ADNP: variants seen among roughly 807,000 people sequenced by gnomAD.
The protein encoded by ADNP is activity-dependent neuroprotector homeobox protein.
In ADNP, 4 loss-of-function variants were observed where a neutral mutation model predicts 84.9. The ratio of observed to expected loss-of-function variants is 0.05; its 90% CI spans 0.02 to 0.11. ADNP has a LOEUF of 0.11. Among genes scored for constraint, ADNP ranks in the 10% least tolerant of loss-of-function variants. The pLI, the probability that ADNP is intolerant of heterozygous loss-of-function variation, is 1.00. For missense variants in ADNP, 1,132 were observed against 1,326.0 expected, an observed-to-expected ratio of 0.85 and a Z score of 2.27; for synonymous variants, 554 against 468.1, an observed-to-expected ratio of 1.18 and a Z score of -2.37.
intron 5 of ADNP, among the ~76,000 whole-genome samples, chr20:50,895,682 A>G (rs1395796090): frequency 6.6e-6 from 1 of 152,186 alleles, no homozygotes; most frequent in Non-Finnish European, 1.5e-5. Context: ...CCTGGGGACT[A>G]CAGGTGTGTG....
rs1482154647 is a variant in ADNP at position 50,893,419 on chromosome 20, G to A, written c.1295C>T (p.Ala432Val). The A allele has an allele frequency of 1.2e-6, 2 of 1,614,188 alleles. No individual in the cohort carries two copies. Among genetic ancestry groups the A allele is most frequent in the South Asian group, 2.2e-5 (2 of 91,088 alleles). Reference protein sequence around the residue: ...GQSSSKPAAAATGPPPGNTSS... With the variant: ...GQSSSKPAAAVTGPPPGNTSS... ...AGTGTTACCTGGGGGAGGGCCTGTG[G>A]CAGCTGCAGCAGGTTTGGAACTGGA... The change falls in exon 6 of 6, where the codon GCC becomes GTC. Residue 432 changes from alanine (A) to valine (V), a missense_variant. This residue lies in a region of ADNP where 239 missense variants were observed against 213.2 expected (regional missense o/e 1.12). Coordinates refer to ENST00000621696, the MANE Select transcript of ADNP (RefSeq NM_001282531.3). This position sits in a 1 kb window ranked among gnomAD's most constrained non-coding sequence, Gnocchi z 4.4.
At chr20:50,924,294 A>G (rs890596749) in intron 2 of ADNP, among the ~76,000 whole-genome samples, 1 of 152,208 alleles carries the variant, frequency 6.6e-6, no homozygotes, top group African/African-American at 2.4e-5. Flanking sequence ...ATTAACTGCC[A>G]CCTGCACAAT....
chr20:50,894,336 T>C lies in ADNP; in HGVS notation c.378A>G (p.Lys126=), dbSNP rs776262496. The C allele has an allele frequency of 2.5e-6, 4 of 1,613,782 alleles. No homozygotes were observed. The highest frequency in any genetic ancestry group is 2.2e-5 in the South Asian group (2 of 90,966). The change falls in exon 6 of 6, where the codon AAA becomes AAG. Residue 126 remains lysine, a synonymous_variant. Transcript: ENST00000621696. The part of the protein sequence containing the change: ...ADKKTLETHI[K]IFHAPNASAP... ...CGCTGGCGTTCGGAGCATGAAATAT[T>C]TTAATGTGTGTTTCCAAAGTCTTTT...
At chr20:50,914,035 C>T in intron 2 of ADNP, 1 of 754,382 alleles carries the variant, frequency 1.3e-6, no homozygotes, top group Non-Finnish European at 2.5e-6. Context: ...TGCTGTCAAT[C>T]AAAATGGCTC....
chr20:50,915,908 G>A (rs1253801881), intron 2 of ADNP, among the ~76,000 whole-genome samples: 3 of 150,162 alleles, frequency 2.0e-5, no homozygotes, highest in Non-Finnish European at 4.4e-5. Flanking sequence ...TATTGCCTAG[G>A]ATAATCATAT....
chr20:50,892,169 G>T lies in ADNP; in HGVS notation c.2545C>A (p.His849Asn). The T allele has an allele frequency of 1.9e-6, 3 of 1,614,102 alleles. No homozygotes were observed. The South Asian group carries it at 3.3e-5, about 18-fold the overall frequency. The stretch of plus-strand genomic sequence containing the variant: ...TTGACTCTGGAATCCTTCTCATCAT[G>T]ATTTTCAAATAGCCACTCAGCATCA... Reference protein sequence around the residue: ...DFDAEWLFENHDEKDSRVNAS... With the variant: ...DFDAEWLFENNDEKDSRVNAS... Residue 849 changes from histidine (H) to asparagine (N), a missense_variant, in exon 6 of 6, where the codon CAT (histidine) becomes AAT (asparagine). His to Asn is a moderately conservative substitution (Grantham distance 68, BLOSUM62 1). Coordinates refer to ENST00000621696, the MANE Select transcript of ADNP (RefSeq NM_001282531.3).
intron 2 of ADNP, among the ~76,000 whole-genome samples, chr20:50,911,445 G>C (rs1983022862): frequency 6.6e-6 from 1 of 151,536 alleles, no homozygotes; most frequent in African/African-American, 2.4e-5. Context: ...AACACTAACT[G>C]AAAAAGATGT....
intron 5 of ADNP, among the ~76,000 whole-genome samples, chr20:50,897,209 G>A (rs1410853196): frequency 6.6e-6 from 1 of 152,214 alleles, no homozygotes; most frequent in Non-Finnish European, 1.5e-5. Context: ...CCAAAATGCT[G>A]GGATTACAGG....
At chr20:50,918,200 G>A (rs865810592) in intron 2 of ADNP, among the ~76,000 whole-genome samples, 3 of 152,124 alleles carry the variant, frequency 2.0e-5, no homozygotes, top group Middle Eastern at 3.4e-3. Context: ...GAAATTTAAG[G>A]CAGCAGTATT....
intron 2 of ADNP, among the ~76,000 whole-genome samples, chr20:50,910,582 G>A (rs903158562): frequency 6.6e-6 from 1 of 152,178 alleles, no homozygotes; most frequent in Admixed American, 6.5e-5. Context: ...GTAAGGCCCT[G>A]CCTCTAAATA....
At position 50,893,480 on chromosome 20, in the gene ADNP, G is replaced by C. The variant is rs1342698415; in HGVS notation, c.1234C>G (p.Leu412Val). Residue 412 changes from leucine to valine, a missense_variant, in exon 6 of 6, where the codon CTC (leucine) becomes GTC (valine). Around this residue, in one of 10 missense-constraint regions of ADNP, gnomAD observed 239 missense variants for 213.2 expected, o/e 1.12. Coordinates refer to ENST00000621696, the MANE Select transcript of ADNP (RefSeq NM_001282531.3). This position sits in a 1 kb window ranked among gnomAD's most constrained non-coding sequence, Gnocchi z 4.4. ...LSSGQLKSPS[L>V]SQSQASRVLG... ...ACTCTGGATGCCTGTGACTGAGAGA[G>C]GGAAGGAGACTTTAACTGGCCCGAT... is the stretch of plus-strand genomic sequence containing the variant. 8 of 1,613,822 alleles carry C rather than the reference G, an allele frequency of 5.0e-6. No homozygotes were observed. The Admixed American group carries it at 1.0e-4, about 20-fold the overall frequency.
intron 5 of ADNP, 114 bp downstream of exon 5, chr20:50,901,903 A>G: frequency 1.2e-6 from 1 of 827,196 alleles, no homozygotes. Context: ...CAATTTTGAC[A>G]CTTTCGATGT....
rs138649204 is a variant in ADNP, at chr20:50,893,791, G to A, written c.923C>T (p.Ser308Leu). Residue 308 changes from serine (S) to leucine (L), a missense_variant, in exon 6 of 6, where the codon TCA becomes TTA. Coordinates refer to ENST00000621696, the MANE Select transcript of ADNP (RefSeq NM_001282531.3). The surrounding 1 kb of genome is among the most constrained non-coding windows in gnomAD (Gnocchi z 4.4). ...LPSQQMVNRL[S>L]IPKPNLNSTG... is the part of the protein sequence containing the mutation. ...AGAATTTAAGTTAGGCTTTGGTATT[G>A]AGAGTCGATTCACCATCTGCTGTGA... 4.3e-6 allele frequency: 7 copies of A among 1,614,072 alleles called. No homozygotes were observed. Among genetic ancestry groups the A allele is most frequent in the Non-Finnish European group, 5.9e-6 (7 of 1,180,046 alleles).
rs767858345 is a variant in ADNP, at chr20:50,893,827, C to T, written c.887G>A (p.Arg296Gln). The T allele has an allele frequency of 3.7e-6, 6 of 1,614,120 alleles. No homozygotes were observed. The highest frequency in any genetic ancestry group is 3.3e-5 in the South Asian group (3 of 91,084). Residue 296 changes from arginine (R) to glutamine (Q), a missense_variant, in exon 6 of 6, where the codon CGG becomes CAG. Arg to Gln is a conservative substitution (Grantham distance 43). Around this residue, in one of 10 missense-constraint regions of ADNP, gnomAD observed 239 missense variants for 213.2 expected, o/e 1.12. Transcript: ENST00000621696. The surrounding 1 kb of genome is among the most constrained non-coding windows in gnomAD (Gnocchi z 4.4). The part of the protein sequence containing the change: ...RIGSLASGNV[R>Q]SLPSQQMVNR... ...CACCATCTGCTGTGATGGTAAAGAC[C>T]GGACATTTCCAGAAGCAAGGGAACC...
Position 50,894,497 on chromosome 20 carries a change from G to A in ADNP, c.217C>T (p.Pro73Ser). The part of the protein sequence containing the change: ...LTKNQDYRTK[P>S]FCCSACPFSS... ...AATGGACAAGCGCTGCAGCAGAAAG[G>A]TTTTGTCCGATAGTCCTAAAGTAAA... Residue 73 changes from proline to serine, a missense_variant, in exon 6 of 6, where the codon CCT becomes TCT. Physicochemically the swap from Pro to Ser is moderately conservative, Grantham distance 74. This residue lies in a region of ADNP where 56 missense variants were observed against 94.6 expected (regional missense o/e 0.59). Coordinates refer to ENST00000621696, the MANE Select transcript of ADNP (RefSeq NM_001282531.3). 4 of 1,595,992 alleles carry A rather than the reference G, an allele frequency of 2.5e-6. No homozygotes were observed. Among genetic ancestry groups the A allele is most frequent in the Non-Finnish European group, 3.4e-6 (4 of 1,174,476 alleles).
chr20:50,901,390 T>C (rs1015431716), intron 5 of ADNP, among the ~76,000 whole-genome samples: 4 of 143,698 alleles, frequency 2.8e-5, no homozygotes, highest in African/African-American at 1.0e-4. Context: ...TATGTTCCGA[T>C]AGATGAACAG....
intron 2 of ADNP, among the ~76,000 whole-genome samples, chr20:50,908,527 C>G (rs1982717005): frequency 6.6e-6 from 1 of 152,194 alleles, no homozygotes; most frequent in Admixed American, 6.5e-5. Context: ...GTAATCCCAG[C>G]ACTTTGGGAG....
At chr20:50,929,035 T>C (rs1323685964) in intron 1 of ADNP, among the ~76,000 whole-genome samples, 1 of 152,174 alleles carries the variant, frequency 6.6e-6, no homozygotes, top group Non-Finnish European at 1.5e-5. Context: ...GGGCTTGATG[T>C]TTACCAACAA....
intron 2 of ADNP, among the ~76,000 whole-genome samples, chr20:50,918,313 G>C (rs914915289): frequency 6.6e-6 from 1 of 152,098 alleles, no homozygotes; most frequent in Non-Finnish European, 1.5e-5. Flanking sequence ...ACCAAAATGT[G>C]AATCTTAAGC....
Sources: gnomAD v4.1 joint callset for allele counts (sites outside exome capture counted in the v4.1 genomes callset) on GRCh38, gnomAD v4.1.1 for gene constraint, gnomAD v4.1.1 regional missense constraint, Gnocchi (gnomAD v3.1) non-coding constraint, MANE v1.5 for transcripts, NCBI Gene and HGNC (gene_info 2026-07-23, HGNC 2026-07-21) for gene names.